CCSER1: variants seen among roughly 807,000 people sequenced by gnomAD.
The protein encoded by CCSER1 is serine-rich coiled-coil domain-containing protein 1.
CCSER1 carries 41 observed loss-of-function variants against 82.0 expected under a neutral mutation model. That is an observed-to-expected ratio of 0.50 (90% CI 0.39 to 0.65). The LOEUF is 0.65. Among genes scored for constraint, CCSER1 ranks in the 30% least tolerant of loss-of-function variants. The pLI is 0.00. For synonymous variants in CCSER1, 414 were observed against 383.9 expected (o/e 1.08, Z -0.92); for missense variants, 1,119 against 1,064.2 (o/e 1.05, Z -0.72).
In CCSER1 at chr4:90,748,227, C is replaced by G. The variant is rs1165019206; in HGVS notation, c.2010+24236C>G. ...ATAGTCCCCAGAGTGTGATATTCCC[C>G]TTCCTGTGTCCATGTGATCTCATTG... On this transcript the variant is annotated intron_variant, in intron 7 of 10. Coordinates refer to ENST00000509176, the MANE Select transcript of CCSER1 (RefSeq NM_001145065.2). 2.2e-4 allele frequency among the ~76,000 whole-genome samples: 30 copies of G among 135,246 alleles called. No individual in the cohort carries two copies. In the East Asian group the frequency reaches 5.5e-3, roughly 25 times the overall value. 88.7% of individuals were successfully genotyped at this position (135,246 alleles called of 152,430 possible).
intron 8 of CCSER1, among the ~76,000 whole-genome samples, chr4:90,901,627 A>G (rs1373612329): frequency 6.6e-6 from 1 of 151,980 alleles, no homozygotes; most frequent in Non-Finnish European, 1.5e-5. Flanking sequence ...CTTCTAGCTG[A>G]TAAGGTTTTT....
At chr4:90,490,076 A>G (rs1767737086) in intron 5 of CCSER1, among the ~76,000 whole-genome samples, 1 of 152,138 alleles carries the variant, frequency 6.6e-6, no homozygotes, top group Admixed American at 6.6e-5. Context: ...TTCTAGTTCG[A>G]TATCCCTGAG....
At chr4:91,517,130 C>A (rs1185352115) in intron 10 of CCSER1, among the ~76,000 whole-genome samples, 1 of 152,076 alleles carries the variant, frequency 6.6e-6, no homozygotes, top group African/African-American at 2.4e-5. Flanking sequence ...GTTATAGAAT[C>A]CTGTTGTTGA....
chr4:91,134,308 G>A (rs79912759), intron 10 of CCSER1, among the ~76,000 whole-genome samples: 2,221 of 151,604 alleles, frequency 0.015, 31 homozygotes, highest in African/African-American at 0.04. Flanking sequence ...GAGGTGAAAG[G>A]ATCACTTGAG....
chr4:90,515,067 A>G (rs1560642840), intron 5 of CCSER1, among the ~76,000 whole-genome samples: 2 of 152,090 alleles, frequency 1.3e-5, no homozygotes, highest in Admixed American at 6.6e-5. Flanking sequence ...CATGTTGGTC[A>G]GGCTGGTCTC....
intron 10 of CCSER1, among the ~76,000 whole-genome samples, chr4:91,323,553 A>G (rs1334717324): frequency 6.6e-6 from 1 of 152,194 alleles, no homozygotes; most frequent in Non-Finnish European, 1.5e-5. Flanking sequence ...TAGATATTTT[A>G]GGTCCTTCTA....
intron 10 of CCSER1, among the ~76,000 whole-genome samples, chr4:91,255,424 G>T (rs1262940926): frequency 6.6e-6 from 1 of 152,120 alleles, no homozygotes; most frequent in Non-Finnish European, 1.5e-5. Flanking sequence ...TTTCAAAAGT[G>T]CAGTGTCTAA....
At chr4:91,369,656 T>C (rs138816442) in intron 10 of CCSER1, among the ~76,000 whole-genome samples, 2,126 of 140,756 alleles carry the variant, frequency 0.015, 43 homozygotes, top group African/African-American at 0.053. Flanking sequence ...CAAATTAATC[T>C]GTAGCTTTTT....
At chr4:91,358,414 G>A (rs542082516) in intron 10 of CCSER1, among the ~76,000 whole-genome samples, 5 of 86,310 alleles carry the variant, frequency 5.8e-5, no homozygotes, top group East Asian at 5.0e-4. Context: ...TTTTTTTCCC[G>A]AGACAAAATA....
rs915994426 is a variant in CCSER1, at chr4:91,601,587, C to G, written c.*2530C>G. On this transcript the variant is annotated 3_prime_UTR_variant, in exon 11 of 11. Coordinates refer to ENST00000509176, the MANE Select transcript of CCSER1 (RefSeq NM_001145065.2). ...AATTGCTTTCTTTGTACTAAAATCT[C>G]TAGTTTTCTAAGACAGTTCCATGTA... is the stretch of plus-strand genomic sequence containing the variant. 2 of 151,982 alleles carry G rather than the reference C, an allele frequency of 1.3e-5. No homozygotes were observed. Among genetic ancestry groups the G allele is most frequent in the African/African-American group, 2.4e-5 (1 of 41,424 alleles). 9.4% of individuals were successfully genotyped at this position (151,982 alleles called of 1,614,324 possible).
intron 10 of CCSER1, among the ~76,000 whole-genome samples, chr4:91,192,882 A>G (rs759407458): frequency 1.1e-4 from 16 of 152,148 alleles, no homozygotes; most frequent in Non-Finnish European, 2.2e-4. Flanking sequence ...CCTAAAAATG[A>G]TATTGCTATC....
At chr4:90,160,940 C>A (rs1298817381) in intron 1 of CCSER1, among the ~76,000 whole-genome samples, 2 of 152,038 alleles carry the variant, frequency 1.3e-5, no homozygotes, top group Non-Finnish European at 2.9e-5. Flanking sequence ...TTGCCAAATA[C>A]CACACATATC....
chr4:91,474,595 A>G (rs1188858436), intron 10 of CCSER1, among the ~76,000 whole-genome samples: 1 of 151,322 alleles, frequency 6.6e-6, no homozygotes, highest in Non-Finnish European at 1.5e-5. Context: ...AGTAGTTCTC[A>G]TTTACATTTT....
intron 10 of CCSER1, among the ~76,000 whole-genome samples, chr4:91,354,656 TGA>T (rs1055907570): frequency 3.3e-5 from 5 of 152,350 alleles, no homozygotes; most frequent in Middle Eastern, 3.4e-3. Context: ...GTCCAATAAT[TGA>T]GACTTTTAGG....
At chr4:91,498,240 C>T (rs763543733) in intron 10 of CCSER1, among the ~76,000 whole-genome samples, 44 of 151,964 alleles carry the variant, frequency 2.9e-4, no homozygotes, top group Non-Finnish European at 5.5e-4. Context: ...TTAGATATTT[C>T]ACTTCTCCTT....
chr4:91,517,733 T>G (rs560616608), intron 10 of CCSER1, among the ~76,000 whole-genome samples: 1 of 148,058 alleles, frequency 6.8e-6, no homozygotes, highest in African/African-American at 2.5e-5. Flanking sequence ...GCTGGTTCTT[T>G]CAGTTCTTTC....
chr4:90,550,021 T>A (rs1777257807), intron 5 of CCSER1, among the ~76,000 whole-genome samples: 1 of 151,686 alleles, frequency 6.6e-6, no homozygotes, highest in African/African-American at 2.4e-5. Flanking sequence ...CAAAAAAAAA[T>A]TCTTTTATTA....
Position 90,818,353 on chromosome 4 carries a change from G to A in CCSER1, c.2094+2508G>A, listed in dbSNP as rs1840303. Reference sequence around the variant, plus strand: ...TGCAGTGGCATGATCTCAGCTCACTGTGCAACCTCCACCTCCTGGGTTCAA... The same window carrying A: ...TGCAGTGGCATGATCTCAGCTCACTATGCAACCTCCACCTCCTGGGTTCAA... On this transcript the variant is annotated intron_variant, in intron 8 of 10. Coordinates refer to ENST00000509176, the MANE Select transcript of CCSER1 (RefSeq NM_001145065.2). 6.2e-3 allele frequency among the ~76,000 whole-genome samples: 910 copies of A among 147,774 alleles called. 11 individuals are homozygous for A. The highest frequency in any genetic ancestry group is 0.022 in the African/African-American group (878 of 39,904).
intron 3 of CCSER1, among the ~76,000 whole-genome samples, chr4:90,371,763 A>G (rs1433962018): frequency 6.6e-6 from 1 of 152,184 alleles, no homozygotes; most frequent in Non-Finnish European, 1.5e-5. Flanking sequence ...CACAGGTCAA[A>G]TGATAATAAG....
Sources: gnomAD v4.1 joint callset for allele counts (sites outside exome capture counted in the v4.1 genomes callset) on GRCh38, gnomAD v4.1.1 for gene constraint, MANE v1.5 for transcripts, NCBI Gene and HGNC (gene_info 2026-07-23, HGNC 2026-07-21) for gene names.